SAMD5: variants seen among roughly 807,000 people sequenced by gnomAD.
The protein encoded by SAMD5 is sterile alpha motif domain-containing protein 5.
Under a neutral mutation model 11.3 loss-of-function variants are expected in SAMD5, and 13 were observed. The observed-to-expected ratio is 1.15, with a 90% confidence interval of 0.75 to 1.83. The LOEUF (loss-of-function observed/expected upper bound fraction) is 1.83. Among genes scored for constraint, SAMD5 ranks in the 40% most tolerant of loss-of-function variants. SAMD5 has a pLI of 0.00. For missense variants in SAMD5, 255 were observed against 239.1 expected, an observed-to-expected ratio of 1.07 and a Z score of -0.44; for synonymous variants, 129 against 111.3, an observed-to-expected ratio of 1.16 and a Z score of -1.00.
intron 1 of SAMD5, among the ~76,000 whole-genome samples, chr6:147,561,006 T>G (rs1448310608): frequency 6.6e-6 from 1 of 152,162 alleles, no homozygotes; most frequent in Non-Finnish European, 1.5e-5. Context: ...ATGTAAACCT[T>G]TTAGCAATGT....
chr6:147,875,360 C>T, the SAMD5 span, among the ~76,000 whole-genome samples: 2 of 152,144 alleles, frequency 1.3e-5, no homozygotes, highest in Non-Finnish European at 2.9e-5. Context: ...AAGTAGTGGT[C>T]CCCTCTTAAC....
At chr6:147,744,899 C>CAATAAATAAATAAATAAATA in the SAMD5 span, among the ~76,000 whole-genome samples, 8,763 of 137,230 alleles carry the variant, frequency 0.064, 333 homozygotes, top group African/African-American at 0.092. Context: ...CTCTGTCTCA[C>CAATAAATAAATAAATAAATA]AATAAATAAA....
chr6:147,508,798 C>G lies in SAMD5; in HGVS notation c.-131C>G. On this transcript the variant is annotated 5_prime_UTR_variant, in exon 1 of 2. Transcript: ENST00000367474. ...TTTCCGTCTCCTGCCCGAGCCTTTC[C>G]TTTAAAAGGAAAACTTTACTGCGAT... 1 of 1,393,264 alleles carries G rather than the reference C, an allele frequency of 7.2e-7. No individual in the cohort carries two copies. The highest frequency in any genetic ancestry group is 9.4e-7 in the Non-Finnish European group (1 of 1,060,414). The allele number at this position is 1,393,264 out of a possible 1,614,324, so 86.3% of individuals were successfully genotyped here. A position where few individuals can be genotyped will look rare whatever the true frequency, so the allele number is the denominator to read the frequency against.
At chr6:147,556,918 CA>C in intron 1 of SAMD5, among the ~76,000 whole-genome samples, 1 of 152,216 alleles carries the variant, frequency 6.6e-6, no homozygotes. Flanking sequence ...AAATAAATCA[CA>C]AATATTCAAG....
chr6:147,785,934 A>G, the SAMD5 span, among the ~76,000 whole-genome samples: 1 of 152,220 alleles, frequency 6.6e-6, no homozygotes, highest in African/African-American at 2.4e-5. Context: ...TTAGCCACAT[A>G]ATTGTAGTCC....
At chr6:147,872,363 T>C in the SAMD5 span, among the ~76,000 whole-genome samples, 1 of 152,108 alleles carries the variant, frequency 6.6e-6, no homozygotes, top group African/African-American at 2.4e-5. Flanking sequence ...CTCCCAAACT[T>C]GTGGGATTAT....
chr6:147,827,925 G>A, the SAMD5 span, among the ~76,000 whole-genome samples: 99 of 151,670 alleles, frequency 6.5e-4, no homozygotes, highest in African/African-American at 2.3e-3. Context: ...GAGTAGCTGG[G>A]ACTACAGGCA....
the SAMD5 span, among the ~76,000 whole-genome samples, chr6:147,856,392 G>C: frequency 6.6e-6 from 1 of 152,164 alleles, no homozygotes; most frequent in South Asian, 2.1e-4. Context: ...TCATGGACAT[G>C]TAAGTACATA....
chr6:147,714,306 GTA>G (rs1791438284), intron 1 of SAMD5, among the ~76,000 whole-genome samples: 1 of 152,208 alleles, frequency 6.6e-6, no homozygotes, highest in Non-Finnish European at 1.5e-5. Flanking sequence ...GTCATGAGCT[GTA>G]TCTCTTAAGT....
At chr6:147,922,686 G>A in the SAMD5 span, among the ~76,000 whole-genome samples, 9 of 152,094 alleles carry the variant, frequency 5.9e-5, no homozygotes, top group Non-Finnish European at 8.8e-5. Context: ...TCAATAACTC[G>A]TGCTGGGATC....
intron 1 of SAMD5, among the ~76,000 whole-genome samples, chr6:147,513,443 G>T (rs940200049): frequency 6.6e-6 from 1 of 152,190 alleles, no homozygotes; most frequent in African/African-American, 2.4e-5. Context: ...ATTGTGATGT[G>T]ATGTAGGAGA....
the SAMD5 span, among the ~76,000 whole-genome samples, chr6:147,773,138 C>T: frequency 6.6e-6 from 1 of 152,152 alleles, no homozygotes; most frequent in African/African-American, 2.4e-5. Flanking sequence ...TTTTCAATAC[C>T]CTTCAGCTTC....
chr6:147,797,956 C>CT, the SAMD5 span, among the ~76,000 whole-genome samples: 1 of 151,330 alleles, frequency 6.6e-6, no homozygotes, highest in South Asian at 2.1e-4. Flanking sequence ...ATTCTTCTCT[C>CT]TTTTTTTCTT....
chr6:147,584,077 A>G (rs1789339887), intron 1 of SAMD5, among the ~76,000 whole-genome samples: 2 of 152,164 alleles, frequency 1.3e-5, no homozygotes, highest in Admixed American at 1.3e-4. Context: ...AAAATACTGG[A>G]AAGTCAAATG....
At chr6:147,879,775 T>A in the SAMD5 span, among the ~76,000 whole-genome samples, 1 of 152,206 alleles carries the variant, frequency 6.6e-6, no homozygotes, top group Non-Finnish European at 1.5e-5. Flanking sequence ...AATAAGCATG[T>A]TCACCTAGAA....
chr6:147,540,229 G>T (rs941411666), intron 1 of SAMD5, among the ~76,000 whole-genome samples: 5 of 152,104 alleles, frequency 3.3e-5, no homozygotes, highest in African/African-American at 1.2e-4. Context: ...AACCGGAAAG[G>T]AATCATTCCG....
At chr6:147,702,777 A>G (rs1405311677) in intron 1 of SAMD5, among the ~76,000 whole-genome samples, 1 of 151,914 alleles carries the variant, frequency 6.6e-6, no homozygotes, top group Non-Finnish European at 1.5e-5. Flanking sequence ...CTGGCCTCTG[A>G]TATTTTAAGG....
chr6:147,851,921 T>C, the SAMD5 span, among the ~76,000 whole-genome samples: 4 of 152,322 alleles, frequency 2.6e-5, no homozygotes, highest in East Asian at 7.7e-4. Flanking sequence ...AATAAAATAT[T>C]GCATGTCAAT....
chr6:147,625,691 T>C (rs146289883), intron 1 of SAMD5, among the ~76,000 whole-genome samples: 1 of 152,190 alleles, frequency 6.6e-6, no homozygotes, highest in East Asian at 1.9e-4. Context: ...ACTAAGCCCT[T>C]TTAGAGGGTC....
Sources: gnomAD v4.1 joint callset for allele counts (sites outside exome capture counted in the v4.1 genomes callset) on GRCh38, gnomAD v4.1.1 for gene constraint, MANE v1.5 for transcripts, NCBI Gene and HGNC (gene_info 2026-07-23, HGNC 2026-07-21) for gene names.